KRT82: variants seen among roughly 807,000 people sequenced by gnomAD.
The protein encoded by KRT82 is keratin 82.
Under a neutral mutation model 48.0 loss-of-function variants are expected in KRT82, and 44 were observed. The ratio of observed to expected loss-of-function variants is 0.92; its 90% CI spans 0.72 to 1.18. KRT82 has a LOEUF of 1.18. KRT82 is among the 50% of genes most tolerant of loss of function. The pLI, the probability that KRT82 is intolerant of heterozygous loss-of-function variation, is 0.00. For missense variants in KRT82, 701 were observed against 671.4 expected (o/e 1.04, Z -0.49); for synonymous variants, 297 against 278.3 (o/e 1.07, Z -0.67).
Position 52,394,994 on chromosome 12 carries a change from G to A in KRT82, c.1523C>T (p.Ser508Phe), listed in dbSNP as rs770048420. 3.7e-6 allele frequency: 6 copies of A among 1,613,522 alleles called. No individual in the cohort carries two copies. The African/African-American group carries it at 6.7e-5, about 18-fold the overall frequency. The change falls in exon 9 of 9, where the codon TCC (serine) becomes TTC (phenylalanine). Residue 508 changes from serine to phenylalanine, a missense_variant. Ser to Phe is a radical substitution (Grantham distance 155, BLOSUM62 -2). Transcript: ENST00000257974. ...SSMTLGAGGS[S>F]PSHKH Reference sequence around the variant, plus strand: ...ATCATGCTAATGCTTGTGGCTGGGGGAGCTGCCCCCAGCTCCTAGCGTCAT... The same window carrying A: ...ATCATGCTAATGCTTGTGGCTGGGGAAGCTGCCCCCAGCTCCTAGCGTCAT...
intron 1 of KRT82, among the ~76,000 whole-genome samples, chr12:52,404,602 G>T (rs1262382002): frequency 6.6e-6 from 1 of 152,180 alleles, no homozygotes; most frequent in East Asian, 1.9e-4. Context: ...CCTTGCTCTG[G>T]AATTTTCCAC....
Position 52,405,918 on chromosome 12 carries a change from C to G in KRT82, c.360G>C (p.Glu120Asp). The G allele has an allele frequency of 6.2e-7, 1 of 1,614,122 alleles. No individual in the cohort carries two copies. Among genetic ancestry groups the G allele is most frequent in the Non-Finnish European group, 8.5e-7 (1 of 1,179,998 alleles). The change falls in exon 1 of 9, where the codon GAG becomes GAC. Residue 120 changes from glutamate (E) to aspartate (D), a missense_variant. By Grantham distance (45) the Glu-to-Asp change is conservative. Coordinates refer to ENST00000257974, the MANE Select transcript of KRT82 (RefSeq NM_033033.4). The part of the protein sequence containing the change: ...DPTVQRVKRD[E>D]KEQIKCLNNR... ...TGTTGAGGCACTTGATCTGCTCCTT[C>G]TCATCCCTCTTTACCCTCTGCACAG...
rs556658121 is a variant in KRT82, at chr12:52,404,731, G to T, written c.412-822C>A. 2.6e-5 allele frequency among the ~76,000 whole-genome samples: 4 copies of T among 152,244 alleles called. No homozygotes were observed. In the South Asian group the frequency reaches 8.3e-4, roughly 32 times the overall value. On this transcript the variant is annotated intron_variant, in intron 1 of 8. Coordinates refer to ENST00000257974, the MANE Select transcript of KRT82 (RefSeq NM_033033.4). The stretch of plus-strand genomic sequence containing the variant: ...GGTGGTGTGATGTTGTTGCTAATTC[G>T]GGCCCATGTTTTTGGAATAAGTTTA...
At position 52,403,777 on chromosome 12, in the gene KRT82, A is replaced by G. The variant is rs1240368604; in HGVS notation, c.544T>C (p.Cys182Arg). Reference sequence around the variant, plus strand: ...AGCCTCACGCGGTCCCCGGACACACAGTCCAGCTGCCGCCGAAGGGCGCTG... The same window carrying G: ...AGCCTCACGCGGTCCCCGGACACACGGTCCAGCTGCCGCCGAAGGGCGCTG... ...YISALRRQLD[C>R]VSGDRVRLES... Residue 182 changes from cysteine to arginine, a missense_variant, in exon 2 of 9, where the codon TGT (cysteine) becomes CGT (arginine). Physicochemically the swap from Cys to Arg is radical, Grantham distance 180. Transcript: ENST00000257974. 6.2e-7 allele frequency: 1 copy of G among 1,613,606 alleles called. No homozygotes were observed. Among genetic ancestry groups the G allele is most frequent in the African/African-American group, 1.3e-5 (1 of 75,054 alleles).
At position 52,394,855 on chromosome 12, in the gene KRT82, G is replaced by T; in HGVS notation, c.*120C>A. On this transcript the variant is annotated 3_prime_UTR_variant, in exon 9 of 9. Coordinates refer to ENST00000257974, the MANE Select transcript of KRT82 (RefSeq NM_033033.4). ...CTCTCAAGGAGGGAACACTGGAGGG[G>T]AATGTGGAGTCAATAAAGGGAGGTG... 2.4e-6 allele frequency: 2 copies of T among 845,934 alleles called. No individual in the cohort carries two copies. Among genetic ancestry groups the T allele is most frequent in the South Asian group, 1.6e-5 (1 of 62,850 alleles). 52.4% of individuals were successfully genotyped at this position (845,934 alleles called of 1,614,324 possible). A position where few individuals can be genotyped will look rare whatever the true frequency, so the allele number is the denominator to read the frequency against.
At chr12:52,401,625 C>G (rs949606468) in intron 2 of KRT82, among the ~76,000 whole-genome samples, 2 of 152,220 alleles carry the variant, frequency 1.3e-5, no homozygotes, top group Admixed American at 6.5e-5. Context: ...TTCATTCTCT[C>G]TTGCTGCTGA....
At chr12:52,397,526 C>T (rs1212655984) in intron 5 of KRT82, among the ~76,000 whole-genome samples, 1 of 152,140 alleles carries the variant, frequency 6.6e-6, no homozygotes, top group African/African-American at 2.4e-5. Flanking sequence ...TTTATAAAAA[C>T]CTTTGCACTC....
In KRT82 at chr12:52,405,999, G is replaced by T. The variant is rs1349616225; in HGVS notation, c.279C>A (p.Thr93=). The change falls in exon 1 of 9, where the codon ACC becomes ACA. Residue 93 remains threonine (T), a synonymous_variant. Transcript: ENST00000257974. ...GCAGGCTCTCATTGATGGTGACAGG[G>T]GTGATGCAGGCAGAAGGCCCACAGG... ...GATCGPSACI[T]PVTINESLLV... is the part of the protein sequence containing the mutation. The T allele has an allele frequency of 1.2e-6, 2 of 1,614,240 alleles. No homozygotes were observed. Among genetic ancestry groups the T allele is most frequent in the East Asian group, 4.5e-5 (2 of 44,888 alleles).
chr12:52,406,203 G>C lies in KRT82; in HGVS notation c.75C>G (p.Pro25=). The part of the protein sequence containing the change: ...QSFSSYSAVM[P]RMVTHYAVSK... ...TCACTGCATAGTGGGTGACCATCCG[G>C]GGCATGACAGCCGAGTATGAGCTGA... The change falls in exon 1 of 9, where the codon CCC becomes CCG. Residue 25 remains proline (P), a synonymous_variant. Coordinates refer to ENST00000257974, the MANE Select transcript of KRT82 (RefSeq NM_033033.4). The C allele has an allele frequency of 1.2e-6, 2 of 1,613,372 alleles. No individual in the cohort carries two copies. Among genetic ancestry groups the C allele is most frequent in the African/African-American group, 1.3e-5 (1 of 75,056 alleles).
chr12:52,399,737 T>C (rs1184241479), intron 5 of KRT82, among the ~76,000 whole-genome samples: 3 of 152,206 alleles, frequency 2.0e-5, no homozygotes, highest in African/African-American at 7.2e-5. Flanking sequence ...CTGGGCGCCC[T>C]GGCACCCTGA....
chr12:52,395,787 C>G lies in KRT82; in HGVS notation c.1293G>C (p.Leu431=). 1 of 1,552,314 alleles carries G rather than the reference C, an allele frequency of 6.4e-7. No homozygotes were observed. The highest frequency in any genetic ancestry group is 8.7e-7 in the Non-Finnish European group (1 of 1,153,166). ...TATTCACGGGCCCGATGCCTTCGCA[C>G]AGCCTGGGGATGAGAGGAAAAAGAA... ...RRLLEGEEHR[L]CEGIGPVNIS... The change falls in exon 8 of 9, where the codon CTG becomes CTC. Residue 431 remains leucine, a synonymous_variant. Coordinates refer to ENST00000257974, the MANE Select transcript of KRT82 (RefSeq NM_033033.4).
At chr12:52,405,764 C>T (rs1024832773) in intron 1 of KRT82, 103 bp downstream of exon 1, 2 of 1,209,440 alleles carry the variant, frequency 1.7e-6, no homozygotes, top group African/African-American at 1.5e-5. Context: ...TAAACTGAGG[C>T]CTCCTCAATG....
chr12:52,399,993 G>A lies in KRT82; in HGVS notation c.934C>T (p.Gln312Ter). 2 of 1,613,628 alleles carry A rather than the reference G, an allele frequency of 1.2e-6. No homozygotes were observed. The highest frequency in any genetic ancestry group is 4.5e-5 in the East Asian group (2 of 44,858). Reference protein sequence around the residue: ...RSKAEAEAWYQCRYEELRVTA... With the variant: ...RSKAEAEAWY ...CAACCACAGGGCCTCACCCGGCACT[G>A]GTACCAGGCCTCTGCTTCGGCTTTG... is the stretch of plus-strand genomic sequence containing the variant. Residue 312 changes from glutamine (Q) to a stop codon, truncating the protein, a stop_gained, in exon 5 of 9, where the codon CAG becomes TAG. Transcript: ENST00000257974. LOFTEE classifies it high-confidence loss of function.
chr12:52,400,087 G>A lies in KRT82; in HGVS notation c.840C>T (p.Ser280=). The change falls in exon 5 of 9, where the codon AGC becomes AGT. Residue 280 remains serine, a synonymous_variant. Transcript: ENST00000257974. The part of the protein sequence containing the change: ...ETSVIVKMDN[S]RELDVDGIIA... ...TGATGCCGTCCACGTCCAGCTCCCG[G>A]CTGTTGTCCATCTTCACAATGACCG... The A allele has an allele frequency of 1.2e-6, 2 of 1,614,174 alleles. No homozygotes were observed. The highest frequency in any genetic ancestry group is 1.7e-6 in the Non-Finnish European group (2 of 1,179,988).
At chr12:52,397,186 G>A (rs1299723585) in intron 5 of KRT82, among the ~76,000 whole-genome samples, 178 bp from the exon 6 acceptor site, 3 of 152,072 alleles carry the variant, frequency 2.0e-5, no homozygotes, top group Admixed American at 2.0e-4. Flanking sequence ...TCCTTTATGT[G>A]GGCTGTTCCT....
chr12:52,404,923 G>A (rs540889275), intron 1 of KRT82, among the ~76,000 whole-genome samples: 1 of 152,312 alleles, frequency 6.6e-6, no homozygotes, highest in African/African-American at 2.4e-5. Context: ...GGCTTGCCCG[G>A]GGATTCCGGG....
At chr12:52,395,681 G>A (rs1939702402) in intron 8 of KRT82, 78 bp downstream of exon 8, 1 of 1,066,570 alleles carries the variant, frequency 9.4e-7, no homozygotes, top group African/African-American at 1.6e-5. Flanking sequence ...GTCTAGGAAG[G>A]GGTGGTGTGG....
At chr12:52,405,367 C>T (rs1939838626) in intron 1 of KRT82, among the ~76,000 whole-genome samples, 1 of 152,216 alleles carries the variant, frequency 6.6e-6, no homozygotes, top group Non-Finnish European at 1.5e-5. Context: ...TTGTGACCGT[C>T]ACCCTGTGCC....
chr12:52,402,206 C>T (rs1382426406), intron 2 of KRT82: 2 of 152,270 alleles, frequency 1.3e-5, no homozygotes, highest in African/African-American at 2.4e-5. Flanking sequence ...ACCTGAAGAG[C>T]ACTAGGACAG....
Sources: gnomAD v4.1 joint callset for allele counts (sites outside exome capture counted in the v4.1 genomes callset) on GRCh38, gnomAD v4.1.1 for gene constraint, MANE v1.5 for transcripts, NCBI Gene and HGNC (gene_info 2026-07-23, HGNC 2026-07-21) for gene names.